Variants in LRP1B observed in about 807,000 individuals in gnomAD.
LRP1B encodes low-density lipoprotein receptor-related protein 1B.
A neutral mutation model predicts 556.6 loss-of-function variants in LRP1B; 217 were observed. The observed-to-expected ratio is 0.39, with a 90% CI of 0.35 to 0.44. The LOEUF is 0.44. Ranked by LOEUF, LRP1B falls within the 20% of genes least tolerant of loss-of-function variation. The pLI is 1.00. For synonymous variants in LRP1B, 2,047 were observed against 1,865.8 expected (o/e 1.10, Z -2.50); for missense variants, 5,053 against 5,620.8 (o/e 0.90, Z 3.23).
chr2:141,211,179 G>T (rs546248776), intron 6 of LRP1B, among the ~76,000 whole-genome samples: 1 of 151,782 alleles, frequency 6.6e-6, no homozygotes, highest in East Asian at 2.0e-4. Flanking sequence ...GTAGAGACGG[G>T]GTTTCACCAC....
chr2:140,533,969 C>T, intron 47 of LRP1B, 52 bp downstream of exon 47: 6 of 1,601,178 alleles, frequency 3.7e-6, no homozygotes, highest in Non-Finnish European at 5.1e-6. Context: ...TGGAAAAGTT[C>T]AGGAAACACT....
chr2:141,182,513 A>G (rs1681050412), intron 7 of LRP1B, among the ~76,000 whole-genome samples: 1 of 151,510 alleles, frequency 6.6e-6, no homozygotes. Flanking sequence ...ACCAAAATAC[A>G]CTTTTACCAA....
At chr2:141,856,345 T>G (rs1698049785) in intron 1 of LRP1B, among the ~76,000 whole-genome samples, 1 of 152,126 alleles carries the variant, frequency 6.6e-6, no homozygotes, top group Non-Finnish European at 1.5e-5. Context: ...CTCAAAAGGA[T>G]CATCTAATCC....
intron 1 of LRP1B, among the ~76,000 whole-genome samples, chr2:141,972,631 T>G (rs184358422): frequency 6.6e-6 from 1 of 151,340 alleles, no homozygotes; most frequent in Non-Finnish European, 1.5e-5. Flanking sequence ...CTGTGAAATA[T>G]TTAGCCTATG....
At chr2:141,202,599 A>C (rs542558597) in intron 6 of LRP1B, among the ~76,000 whole-genome samples, 1 of 151,720 alleles carries the variant, frequency 6.6e-6, no homozygotes, top group Non-Finnish European at 1.5e-5. Context: ...TGTCTTTTTA[A>C]TAATAGCCAT....
chr2:140,474,482 G>A (rs1241120822), intron 60 of LRP1B, among the ~76,000 whole-genome samples: 1 of 151,864 alleles, frequency 6.6e-6, no homozygotes, highest in African/African-American at 2.4e-5. Context: ...GATAGCAAAG[G>A]TGACACTAGG....
chr2:141,910,686 C>T (rs1238217351), intron 1 of LRP1B, among the ~76,000 whole-genome samples: 1 of 151,876 alleles, frequency 6.6e-6, no homozygotes, highest in Non-Finnish European at 1.5e-5. Context: ...GTGTATTATA[C>T]CTTGGGATTG....
At chr2:141,901,335 A>G (rs1006530703) in intron 1 of LRP1B, among the ~76,000 whole-genome samples, 3 of 152,062 alleles carry the variant, frequency 2.0e-5, no homozygotes, top group Non-Finnish European at 4.4e-5. Context: ...TTTTCCCCCT[A>G]TGTTAGTGGG....
At chr2:140,409,232 T>C (rs1224326629) in intron 66 of LRP1B, among the ~76,000 whole-genome samples, 2 of 151,912 alleles carry the variant, frequency 1.3e-5, no homozygotes, top group Non-Finnish European at 2.9e-5. Flanking sequence ...TTTATAGGCA[T>C]AACTTATAGA....
chr2:140,394,551 T>G (rs1251417556), intron 66 of LRP1B, among the ~76,000 whole-genome samples: 1 of 151,990 alleles, frequency 6.6e-6, no homozygotes, highest in Non-Finnish European at 1.5e-5. Context: ...AAGAAGCCCT[T>G]CCATGTTGAG....
chr2:140,595,087 AATATATATATATATATATATATAT>A (rs60138085), intron 43 of LRP1B, among the ~76,000 whole-genome samples: 11,416 of 99,614 alleles, frequency 0.11, 779 homozygotes, highest in East Asian at 0.24. Context: ...ATATAAATTG[AATATATATATATATATATATATAT>A]ATATATATAT....
At chr2:140,702,394 G>T (rs2105429763) in intron 38 of LRP1B, 33 bp downstream of exon 38, 1 of 1,611,202 alleles carries the variant, frequency 6.2e-7, no homozygotes, top group Non-Finnish European at 8.5e-7. Flanking sequence ...GTCAGTTAAG[G>T]CACTTTAAAT....
intron 1 of LRP1B, among the ~76,000 whole-genome samples, chr2:142,100,927 A>C (rs1338978145): frequency 2.0e-5 from 3 of 151,920 alleles, no homozygotes; most frequent in African/African-American, 7.2e-5. Flanking sequence ...GAAGGGAGAG[A>C]GGGAAGGAGG....
At chr2:140,311,860 T>A (rs1272790147) in intron 83 of LRP1B, among the ~76,000 whole-genome samples, 2 of 151,900 alleles carry the variant, frequency 1.3e-5, no homozygotes, top group African/African-American at 4.8e-5. Context: ...AGATATCAGT[T>A]AGGTGACTGT....
At chr2:141,961,331 C>T (rs1701399404) in intron 1 of LRP1B, among the ~76,000 whole-genome samples, 1 of 151,650 alleles carries the variant, frequency 6.6e-6, no homozygotes, top group East Asian at 1.9e-4. Flanking sequence ...CTCCACTTTG[C>T]CCCTCATTTT....
chr2:141,399,603 G>A (rs1690372108), intron 3 of LRP1B, among the ~76,000 whole-genome samples: 1 of 152,060 alleles, frequency 6.6e-6, no homozygotes, highest in Non-Finnish European at 1.5e-5. Flanking sequence ...CAAACCTATA[G>A]AAACACTTAC....
chr2:141,015,736 T>A lies in LRP1B; in HGVS notation c.2150A>T (p.Asp717Val), dbSNP rs2105388945. The A allele has an allele frequency of 6.2e-7, 1 of 1,613,272 alleles. No individual in the cohort carries two copies. The highest frequency in any genetic ancestry group is 8.5e-7 in the Non-Finnish European group (1 of 1,179,624). The change falls in exon 13 of 91, where the codon GAT (aspartate) becomes GTT (valine). Residue 717 changes from aspartate (D) to valine (V), a missense_variant. Physicochemically the swap from Asp to Val is radical, Grantham distance 152. Around this residue, in one of 5 missense-constraint regions of LRP1B, gnomAD observed 3,619 missense variants for 3,931.9 expected, o/e 0.92. Transcript: ENST00000389484. ...NTLYWCDAYY[D>V]HIEKVFLNGT... ...ATTCAAAAATACTTTTTCAATATGA[T>A]CGTAATAGGCATCACACCAGTATAA...
intron 41 of LRP1B, among the ~76,000 whole-genome samples, chr2:140,629,504 C>T (rs200530974): frequency 1.6e-5 from 2 of 121,840 alleles, no homozygotes; most frequent in African/African-American, 7.1e-5. Context: ...ATGTCAAATG[C>T]TATGATTTTT....
chr2:141,022,609 G>A (rs988779307), intron 11 of LRP1B, among the ~76,000 whole-genome samples: 3 of 151,870 alleles, frequency 2.0e-5, no homozygotes, highest in Admixed American at 2.0e-4. Context: ...GTCTGGTTGG[G>A]TCCTGCCTGA....
Sources: allele counts gnomAD v4.1 joint callset (sites outside exome capture counted in the v4.1 genomes callset), GRCh38; gene constraint gnomAD v4.1.1; regional missense constraint gnomAD v4.1.1; transcripts MANE v1.5; gene names NCBI Gene and HGNC (gene_info 2026-07-23, HGNC 2026-07-21).